Variants in SF3B3 observed in about 807,000 individuals in gnomAD.
SF3B3 encodes SAP 130.
In SF3B3, 33 loss-of-function variants were observed where a neutral mutation model predicts 139.2. The ratio of observed to expected loss-of-function variants is 0.24; its 90% CI spans 0.18 to 0.32. SF3B3 has a LOEUF of 0.32. SF3B3 is among the 10% of genes least tolerant of loss of function. The pLI, the probability that SF3B3 is intolerant of heterozygous loss-of-function variation, is 1.00. For synonymous variants in SF3B3, 596 were observed against 563.6 expected (o/e 1.06, Z -0.81); for missense variants, 818 against 1,509.4 (o/e 0.54, Z 7.59).
chr16:70,534,372 CTGAT>C (rs1327602297), intron 5 of SF3B3, among the ~76,000 whole-genome samples: 1 of 152,178 alleles, frequency 6.6e-6, no homozygotes, highest in Non-Finnish European at 1.5e-5. Flanking sequence ...GGGAAATAAT[CTGAT>C]AGGTTGACAA....
intron 17 of SF3B3, 86 bp from the exon 18 acceptor site, chr16:70,563,790 T>G: frequency 7.9e-7 from 1 of 1,268,778 alleles, no homozygotes; most frequent in East Asian, 2.3e-5. Context: ...GGGATTGACG[T>G]GTTTGCTGAC....
chr16:70,570,055 A>T lies in SF3B3; in HGVS notation c.3314A>T (p.Gln1105Leu). The T allele has an allele frequency of 6.2e-7, 1 of 1,614,160 alleles. No homozygotes were observed. The highest frequency in any genetic ancestry group is 8.5e-7 in the Non-Finnish European group (1 of 1,180,040). ...YHVGETVLSL[Q>L]KTTLIPGGSE... The stretch of plus-strand genomic sequence containing the variant: ...GTCGGGGAGACGGTGCTGTCCTTGC[A>T]GAAGACCACGCTGATCCCTGGAGGC... Residue 1105 changes from glutamine to leucine, a missense_variant, in exon 24 of 26, where the codon CAG (glutamine) becomes CTG (leucine). Around this residue, in one of 14 missense-constraint regions of SF3B3, gnomAD observed 91 missense variants for 171.8 expected, o/e 0.53. Coordinates refer to ENST00000302516, the MANE Select transcript of SF3B3 (RefSeq NM_012426.5).
At chr16:70,531,015 C>T (rs2050115983) in intron 4 of SF3B3, 98 bp downstream of exon 4, 1 of 1,092,862 alleles carries the variant, frequency 9.2e-7, no homozygotes, top group Admixed American at 2.3e-5. Flanking sequence ...CGCCTGTAAT[C>T]CCAGCACTTT....
At chr16:70,538,755 A>G (rs1479311687) in intron 7 of SF3B3, among the ~76,000 whole-genome samples, 1 of 152,188 alleles carries the variant, frequency 6.6e-6, no homozygotes, top group Non-Finnish European at 1.5e-5. Flanking sequence ...AATAAACATG[A>G]TCTGTTACTT....
At position 70,575,196 on chromosome 16, in the gene SF3B3, C is replaced by CTTTTTTTTTTTTTTTTTTTT. The variant is rs897314035; in HGVS notation, c.*3384_*3403dup. The CTTTTTTTTTTTTTTTTTTTT allele has an allele frequency of 3.1e-4, 34 of 110,000 alleles. No homozygotes were observed. Among genetic ancestry groups the CTTTTTTTTTTTTTTTTTTTT allele is most frequent in the Non-Finnish European group, 3.3e-4 (18 of 54,746 alleles). 6.8% of individuals were successfully genotyped at this position (110,000 alleles called of 1,614,324 possible). Reference sequence around the variant, plus strand: ...TTTTCTTTTTCTTTTTCTTTTTTTTCTTTTTTTTTTTTTTTTTTTTGAGAT... The same window carrying CTTTTTTTTTTTTTTTTTTTT: ...TTTTCTTTTTCTTTTTCTTTTTTTTCTTTTTTTTTTTTTTTTTTTTTTTTTTTTTTTTTTTTTTTTGAGAT... On this transcript the variant is annotated 3_prime_UTR_variant, in exon 26 of 26. Transcript: ENST00000302516.
chr16:70,568,739 C>G (rs557909939), intron 22 of SF3B3, among the ~76,000 whole-genome samples: 114 of 152,282 alleles, frequency 7.5e-4, no homozygotes, highest in African/African-American at 2.3e-3. Context: ...TTAGTTTGAG[C>G]TAATGGCTAA....
At chr16:70,540,421 AC>A (rs2050208798) in intron 8 of SF3B3, among the ~76,000 whole-genome samples, 3 of 151,590 alleles carry the variant, frequency 2.0e-5, no homozygotes, top group African/African-American at 7.3e-5. Context: ...ACAGAGTCTT[AC>A]TCTGTTTCCC....
chr16:70,575,438 A>T lies in SF3B3; in HGVS notation c.*3625A>T, dbSNP rs941381938. ...GGTTTCGAACTCGTGACCTCAGGTG[A>T]TCCACCCACCTTGGTCTCCCAAAGC... is the stretch of plus-strand genomic sequence containing the variant. On this transcript the variant is annotated 3_prime_UTR_variant, in exon 26 of 26. Transcript: ENST00000302516. 6.6e-6 allele frequency: 1 copy of T among 152,060 alleles called. No homozygotes were observed. Among genetic ancestry groups the T allele is most frequent in the African/African-American group, 2.4e-5 (1 of 41,348 alleles). The allele number at this position is 152,060 out of a possible 1,614,324, so 9.4% of individuals were successfully genotyped here.
Position 70,550,050 on chromosome 16 carries a change from C to T in SF3B3, c.1402+1608C>T, listed in dbSNP as rs189713711. ...GTCTAGGTAATGGGGACAGAATATC[C>T]TGGCTTCTGAATCTCAGTTGAATGC... On this transcript the variant is annotated intron_variant, in intron 11 of 25. Coordinates refer to ENST00000302516, the MANE Select transcript of SF3B3 (RefSeq NM_012426.5). Among the ~76,000 whole-genome samples the T allele has an allele frequency of 3.3e-5, 5 of 152,074 alleles. No homozygotes were observed. The East Asian group carries it at 9.7e-4, about 29-fold the overall frequency.
chr16:70,553,710 G>T lies in SF3B3; in HGVS notation c.1403-736G>T, dbSNP rs540755896. ...CTGTAGAAGAAACTGAGGGTTTCTG[G>T]TATACCTCAAGTCCTCTGACTTCCT... On this transcript the variant is annotated intron_variant, in intron 11 of 25. Coordinates refer to ENST00000302516, the MANE Select transcript of SF3B3 (RefSeq NM_012426.5). Among the ~76,000 whole-genome samples, 3 of 152,206 alleles carry T rather than the reference G, an allele frequency of 2.0e-5. No homozygotes were observed. In the East Asian group the frequency reaches 5.8e-4, roughly 29 times the overall value.
At chr16:70,556,402 C>A in intron 14 of SF3B3, 68 bp downstream of exon 14, 1 of 1,545,406 alleles carries the variant, frequency 6.5e-7, no homozygotes, top group Non-Finnish European at 8.9e-7. Context: ...TGATGTCTAT[C>A]TCTGAGATCC....
intron 10 of SF3B3, 43 bp from the exon 11 acceptor site, chr16:70,548,327 T>G (rs1316419046): frequency 6.6e-7 from 1 of 1,513,438 alleles, no homozygotes; most frequent in Admixed American, 1.7e-5. Flanking sequence ...GGTAGCTGAG[T>G]TGCATGCTCA....
At chr16:70,533,073 A>G (rs926964170) in intron 5 of SF3B3, among the ~76,000 whole-genome samples, 3 of 152,250 alleles carry the variant, frequency 2.0e-5, no homozygotes, top group African/African-American at 4.8e-5. Flanking sequence ...AAGAACTTCA[A>G]TAGACCAGCG....
chr16:70,539,576 G>A (rs2050199923), intron 8 of SF3B3, among the ~76,000 whole-genome samples: 1 of 152,056 alleles, frequency 6.6e-6, no homozygotes, highest in Non-Finnish European at 1.5e-5. Flanking sequence ...CAGTAGGAAG[G>A]TGCGGCTTTG....
chr16:70,567,129 G>A (rs931228067), intron 20 of SF3B3, among the ~76,000 whole-genome samples: 1 of 151,932 alleles, frequency 6.6e-6, no homozygotes, highest in African/African-American at 2.4e-5. Context: ...TGGCTACTAA[G>A]GCTTCACTGT....
intron 11 of SF3B3, chr16:70,554,095 G>A (rs2050357166): frequency 6.0e-6 from 1 of 166,582 alleles, no homozygotes; most frequent in African/African-American, 2.4e-5. Context: ...GGGGTTGTGT[G>A]ATTGACAACT....
intron 2 of SF3B3, among the ~76,000 whole-genome samples, chr16:70,527,352 A>G (rs917979865): frequency 6.6e-6 from 1 of 152,216 alleles, no homozygotes; most frequent in African/African-American, 2.4e-5. Flanking sequence ...TTATAAAATA[A>G]AAACTTTTTC....
rs923691702 is a variant in SF3B3, at chr16:70,576,546, A to G, written c.*4733A>G. ...AATTTGGAGCCGTGAGTATATGTGT[A>G]TAAGCTAGTAACACGTGATGGTCAA... On this transcript the variant is annotated 3_prime_UTR_variant, in exon 26 of 26. Coordinates refer to ENST00000302516, the MANE Select transcript of SF3B3 (RefSeq NM_012426.5). 2.0e-5 allele frequency: 3 copies of G among 152,194 alleles called. No individual in the cohort carries two copies. Among genetic ancestry groups the G allele is most frequent in the African/African-American group, 7.2e-5 (3 of 41,450 alleles). The allele number at this position is 152,194 out of a possible 1,614,324, so 9.4% of individuals were successfully genotyped here.
rs2050559298 is a variant in SF3B3 at position 70,574,541 on chromosome 16, C to A, written c.*2728C>A. 6.6e-6 allele frequency: 1 copy of A among 152,206 alleles called. No individual in the cohort carries two copies. The allele number at this position is 152,206 out of a possible 1,614,324, so 9.4% of individuals were successfully genotyped here. ...AGAGATGGAATCTCTCTCTCTTGAC[C>A]AGGCTAGAGGGCTGTGGTGCGATCT... On this transcript the variant is annotated 3_prime_UTR_variant, in exon 26 of 26. Coordinates refer to ENST00000302516, the MANE Select transcript of SF3B3 (RefSeq NM_012426.5).
Sources: gnomAD v4.1 joint callset for allele counts (sites outside exome capture counted in the v4.1 genomes callset) on GRCh38, gnomAD v4.1.1 for gene constraint, gnomAD v4.1.1 regional missense constraint, MANE v1.5 for transcripts, NCBI Gene and HGNC (gene_info 2026-07-23, HGNC 2026-07-21) for gene names.